The following FAM169A variants were observed in gnomAD, a reference collection of about 807,000 sequenced individuals.
The protein encoded by FAM169A is family with sequence similarity 169 member A.
FAM169A carries 24 observed loss-of-function variants against 75.7 expected under a neutral mutation model. The observed-to-expected ratio is 0.32, with a 90% CI of 0.23 to 0.45. The LOEUF (loss-of-function observed/expected upper bound fraction) is 0.45. Ranked by LOEUF, FAM169A falls within the 20% of genes least tolerant of loss-of-function variation. The probability of loss-of-function intolerance (pLI) is 1.00; values close to 1 mark genes in which losing one functional copy is unlikely to be tolerated. For missense variants in FAM169A, 673 were observed against 784.0 expected, an observed-to-expected ratio of 0.86 and a Z score of 1.69; for synonymous variants, 271 against 271.0, an observed-to-expected ratio of 1.00 and a Z score of 0.00.
At chr5:74,819,469 A>G (rs976397192) in intron 5 of FAM169A, among the ~76,000 whole-genome samples, 1 of 152,218 alleles carries the variant, frequency 6.6e-6, no homozygotes, top group African/African-American at 2.4e-5. Flanking sequence ...AACATGGTAC[A>G]GTCTCTATGG....
At chr5:74,816,541 A>T (rs1747480438) in intron 5 of FAM169A, among the ~76,000 whole-genome samples, 1 of 152,176 alleles carries the variant, frequency 6.6e-6, no homozygotes, top group Non-Finnish European at 1.5e-5. Flanking sequence ...GAAAATCAGA[A>T]AATCATACTG....
intron 1 of FAM169A, among the ~76,000 whole-genome samples, chr5:74,852,226 A>G (rs1749480567): frequency 2.0e-5 from 3 of 152,202 alleles, no homozygotes; most frequent in Admixed American, 1.3e-4. Context: ...ATAGCAGAGT[A>G]TCTCAGCAAT....
At chr5:74,853,395 C>A (rs1323422896) in intron 1 of FAM169A, among the ~76,000 whole-genome samples, 3 of 152,112 alleles carry the variant, frequency 2.0e-5, no homozygotes, top group Non-Finnish European at 4.4e-5. Flanking sequence ...TTCCTATACA[C>A]CCTTTCTGAA....
intron 1 of FAM169A, among the ~76,000 whole-genome samples, chr5:74,859,075 A>T (rs918184884): frequency 1.3e-5 from 2 of 151,706 alleles, no homozygotes; most frequent in Non-Finnish European, 2.9e-5. Flanking sequence ...TTAGCCAGGC[A>T]TGGTAGCACA....
intron 11 of FAM169A, among the ~76,000 whole-genome samples, chr5:74,792,550 C>T (rs1746033798): frequency 6.6e-6 from 1 of 152,076 alleles, no homozygotes; most frequent in South Asian, 2.1e-4. Flanking sequence ...CCCTTGCTCC[C>T]CACCTTGCAG....
At position 74,781,347 on chromosome 5, in the gene FAM169A, T is replaced by C. The variant is rs1408292593; in HGVS notation, c.*113A>G. The C allele has an allele frequency of 6.0e-6, 6 of 996,840 alleles. No individual in the cohort carries two copies. The highest frequency in any genetic ancestry group is 4.8e-5 in the East Asian group (2 of 41,612). 61.7% of individuals were successfully genotyped at this position (996,840 alleles called of 1,614,324 possible). On this transcript the variant is annotated 3_prime_UTR_variant, in exon 13 of 13. Transcript: ENST00000687041. ...AAACTGCATAGTAAGTAAGTTCAAA[T>C]TGAAATTTTGGAAATTTTTGTCCTG...
Position 74,781,604 on chromosome 5 carries a change from A to G in FAM169A, c.1869T>C (p.Asp623=). 1 of 1,614,112 alleles carries G rather than the reference A, an allele frequency of 6.2e-7. No individual in the cohort carries two copies. Among genetic ancestry groups the G allele is most frequent in the Non-Finnish European group, 8.5e-7 (1 of 1,180,016 alleles). Residue 623 remains aspartate (D), a synonymous_variant, in exon 13 of 13, where the codon GAT becomes GAC. Coordinates refer to ENST00000687041, the MANE Select transcript of FAM169A (RefSeq NM_001376049.1). Reference sequence around the variant, plus strand: ...CTTTTTCTGCCGATTGTGTAAACTGATCCAGTTGCTCGGAAGATGCTTCAG... The same window carrying G: ...CTTTTTCTGCCGATTGTGTAAACTGGTCCAGTTGCTCGGAAGATGCTTCAG... ...EQSEASSEQL[D]QFTQSAEKAV...
At chr5:74,794,818 G>A (rs911007360) in intron 11 of FAM169A, among the ~76,000 whole-genome samples, 28 of 150,948 alleles carry the variant, frequency 1.9e-4, no homozygotes, top group Admixed American at 5.3e-4. Context: ...TTAGCCGGGC[G>A]TGTTGGTGTA....
chr5:74,842,420 C>CAAAAAA lies in FAM169A; in HGVS notation c.-3-747_-3-742dup, dbSNP rs56653446. Among the ~76,000 whole-genome samples, 7 of 22,478 alleles carry CAAAAAA rather than the reference C, an allele frequency of 3.1e-4. 1 individual carries two copies. The highest frequency in any genetic ancestry group is 9.2e-4 in the Admixed American group (1 of 1,082). 14.7% of individuals were successfully genotyped at this position (22,478 alleles called of 152,430 possible). A position where few individuals can be genotyped will look rare whatever the true frequency, so the allele number is the denominator to read the frequency against. The stretch of plus-strand genomic sequence containing the variant: ...TGGGTGAAAGAGTGAGACTCTATCA[C>CAAAAAA]AAAAAAAAAAAAAAAAAAAAAAAAA... On this transcript the variant is annotated intron_variant, in intron 1 of 12. Coordinates refer to ENST00000687041, the MANE Select transcript of FAM169A (RefSeq NM_001376049.1).
intron 1 of FAM169A, among the ~76,000 whole-genome samples, chr5:74,844,862 T>G (rs138941192): frequency 1.4e-4 from 21 of 152,292 alleles, no homozygotes; most frequent in African/African-American, 5.1e-4. Context: ...AATCAAATAC[T>G]AAGCTATTAG....
intron 5 of FAM169A, among the ~76,000 whole-genome samples, chr5:74,829,712 G>A (rs937982668): frequency 1.3e-5 from 2 of 152,094 alleles, no homozygotes; most frequent in South Asian, 4.1e-4. Flanking sequence ...GGTGACTCAC[G>A]CCTATAATCC....
intron 6 of FAM169A, among the ~76,000 whole-genome samples, chr5:74,810,312 A>C (rs1359176194): frequency 1.3e-5 from 2 of 152,112 alleles, no homozygotes; most frequent in Non-Finnish European, 2.9e-5. Flanking sequence ...GAGAGTTTGG[A>C]AGGGAAGGAA....
At chr5:74,857,645 A>C (rs1749795202) in intron 1 of FAM169A, among the ~76,000 whole-genome samples, 1 of 151,338 alleles carries the variant, frequency 6.6e-6, no homozygotes. Context: ...GCTGATGAAA[A>C]GTTTAGAAGT....
intron 1 of FAM169A, among the ~76,000 whole-genome samples, chr5:74,850,136 T>G (rs1339220752): frequency 6.6e-6 from 1 of 152,144 alleles, no homozygotes; most frequent in Non-Finnish European, 1.5e-5. Context: ...CTAAAACCCA[T>G]GAGGTGGGTG....
chr5:74,842,754 G>A (rs1015978564), intron 1 of FAM169A, among the ~76,000 whole-genome samples: 76 of 151,630 alleles, frequency 5.0e-4, no homozygotes, highest in African/African-American at 1.7e-3. Context: ...TTTTAATGGG[G>A]AAACACTAAA....
At chr5:74,839,114 C>T in intron 3 of FAM169A, 64 bp from the exon 4 acceptor site, 1 of 1,087,162 alleles carries the variant, frequency 9.2e-7, no homozygotes, top group Non-Finnish European at 1.4e-6. Flanking sequence ...CTTAATAAGG[C>T]CATATTGTAC....
chr5:74,825,625 G>A (rs1408800914), intron 5 of FAM169A, among the ~76,000 whole-genome samples: 1 of 152,062 alleles, frequency 6.6e-6, no homozygotes, highest in Non-Finnish European at 1.5e-5. Flanking sequence ...ATTGTTTTAA[G>A]ACTGACAGTC....
intron 1 of FAM169A, among the ~76,000 whole-genome samples, chr5:74,857,571 G>GAAAAAAAAAAAAAA (rs1561328873): frequency 7.6e-5 from 5 of 65,722 alleles, no homozygotes; most frequent in African/African-American, 2.5e-4. Flanking sequence ...CCTTGCCGCG[G>GAAAAAAAAAAAAAA]GAAAAAAAAA....
intron 1 of FAM169A, among the ~76,000 whole-genome samples, chr5:74,845,254 C>G (rs1437932401): frequency 6.6e-6 from 1 of 152,138 alleles, no homozygotes; most frequent in East Asian, 1.9e-4. Context: ...TGCGGTGGTT[C>G]ACGCCTGTAA....
Sources: allele counts gnomAD v4.1 joint callset (sites outside exome capture counted in the v4.1 genomes callset), GRCh38; gene constraint gnomAD v4.1.1; transcripts MANE v1.5; gene names NCBI Gene and HGNC (gene_info 2026-07-23, HGNC 2026-07-21).